Variants in HIVEP3 observed in about 807,000 individuals in gnomAD.
HIVEP3 encodes the protein HIVEP zinc finger 3.
A neutral mutation model predicts 152.8 loss-of-function variants in HIVEP3; 49 were observed. The ratio of observed to expected loss-of-function variants is 0.32; its 90% CI spans 0.26 to 0.41. The LOEUF is 0.41. Among genes scored for constraint, HIVEP3 ranks in the 10% least tolerant of loss-of-function variants. HIVEP3 has a pLI of 1.00. For missense variants in HIVEP3, 2,790 were observed against 3,103.3 expected (o/e 0.90, Z 2.40); for synonymous variants, 1,269 against 1,289.0 (o/e 0.98, Z 0.33).
At chr1:41,571,054 A>G (rs918119467) in intron 5 of HIVEP3, among the ~76,000 whole-genome samples, 2 of 152,032 alleles carry the variant, frequency 1.3e-5, no homozygotes, top group Admixed American at 6.5e-5. Context: ...GTGAGGTGGG[A>G]TGGGAGCCAA....
intron 1 of HIVEP3, among the ~76,000 whole-genome samples, chr1:41,860,262 A>C (rs1379675434): frequency 6.6e-6 from 1 of 152,106 alleles, no homozygotes; most frequent in Admixed American, 6.6e-5. Context: ...GAATTCCTTA[A>C]ATCTCCCCCT....
At position 41,600,347 on chromosome 1, in the gene HIVEP3, A is replaced by G. The variant is rs566680363; in HGVS notation, c.-521-15029T>C. On this transcript the variant is annotated intron_variant, in intron 3 of 8. Transcript: ENST00000372583. ...CCATTGATGAATGAATGGATAAAAA[A>G]TTCATTCATGTTGTAGCATGTGTCA... Among the ~76,000 whole-genome samples, 126 of 152,348 alleles carry G rather than the reference A, an allele frequency of 8.3e-4. 1 individual carries two copies. Among genetic ancestry groups the G allele is most frequent in the African/African-American group, 2.5e-3 (106 of 41,584 alleles).
At chr1:41,623,759 G>A (rs897911208) in intron 3 of HIVEP3, among the ~76,000 whole-genome samples, 4 of 152,170 alleles carry the variant, frequency 2.6e-5, no homozygotes, top group African/African-American at 9.7e-5. Flanking sequence ...TCACAAACAC[G>A]GCCCATGCTC....
intron 2 of HIVEP3, among the ~76,000 whole-genome samples, chr1:41,680,836 C>T (rs149434289): frequency 0.016 from 2,438 of 152,260 alleles, 195 homozygotes; most frequent in Admixed American, 0.14. Flanking sequence ...TAAAATAAAA[C>T]GGTATATGGC....
intron 1 of HIVEP3, among the ~76,000 whole-genome samples, chr1:41,807,690 G>A (rs551770230): frequency 7.2e-5 from 11 of 152,318 alleles, no homozygotes; most frequent in South Asian, 2.1e-4. Flanking sequence ...ATAGCACAGC[G>A]TGGAAAGGGC....
chr1:41,843,125 C>T (rs1014362265), intron 1 of HIVEP3, among the ~76,000 whole-genome samples: 18 of 152,312 alleles, frequency 1.2e-4, no homozygotes, highest in African/African-American at 2.9e-4. Flanking sequence ...CCTGAGGAAA[C>T]GCTAAAAGCA....
At chr1:41,923,120 A>T (rs1304505293), upstream of HIVEP3, among the ~76,000 whole-genome samples, 1 of 152,216 alleles carries the variant, frequency 6.6e-6, no homozygotes, top group Non-Finnish European at 1.5e-5. Context: ...TACAAAGTGG[A>T]TTGATGGAAG....
At chr1:41,827,923 G>A in intron 1 of HIVEP3, among the ~76,000 whole-genome samples, 1 of 152,052 alleles carries the variant, frequency 6.6e-6, no homozygotes, top group South Asian at 2.1e-4. Flanking sequence ...AGGGACAGGA[G>A]GCAGGGAAGG....
intron 2 of HIVEP3, among the ~76,000 whole-genome samples, chr1:41,639,348 C>T (rs936188722): frequency 1.3e-5 from 2 of 152,114 alleles, no homozygotes; most frequent in South Asian, 2.1e-4. Flanking sequence ...TATAGCATAG[C>T]GAGTTGGCCT....
chr1:42,014,929 GC>G (rs1313334809), intron 1 of HIVEP3, among the ~76,000 whole-genome samples: 1 of 152,162 alleles, frequency 6.6e-6, no homozygotes, highest in Admixed American at 6.5e-5. Flanking sequence ...TCATTCTGTG[GC>G]TTTCATCTTT....
Position 41,513,612 on chromosome 1 carries a change from C to G in HIVEP3, c.5609G>C (p.Ser1870Thr), listed in dbSNP as rs201484565. 6.9e-5 allele frequency: 112 copies of G among 1,613,904 alleles called. 1 individual carries two copies. In the East Asian group the frequency reaches 1.5e-3, roughly 21 times the overall value. The change falls in exon 8 of 9, where the codon AGC becomes ACC. Residue 1870 changes from serine (S) to threonine (T), a missense_variant. Around this residue, in one of 9 missense-constraint regions of HIVEP3, gnomAD observed 816 missense variants for 806.5 expected, o/e 1.01. Coordinates refer to ENST00000372583, the MANE Select transcript of HIVEP3 (RefSeq NM_024503.5). ...DEDEDEDEEE[S>T]QDELSRPSSE... ...GGATGGTCTGGACAGCTCATCCTGG[C>G]TCTCCTCCTCATCCTCATCCTCGTC...
chr1:41,592,427 G>C (rs1376391707), intron 3 of HIVEP3, among the ~76,000 whole-genome samples: 2 of 152,160 alleles, frequency 1.3e-5, no homozygotes, highest in Non-Finnish European at 2.9e-5. Context: ...AAAAATACTG[G>C]CCACATTTCC....
Position 41,581,360 on chromosome 1 carries a change from G to T in HIVEP3, c.3438C>A (p.Phe1146Leu), listed in dbSNP as rs963577565. ...KPYLPPPVSL[F>L]SFQHLVQHEP... is the part of the protein sequence containing the mutation. ...CATGCTGCACGAGATGCTGGAAGGA[G>T]AAAAGGGAGACTGGTGGGGGCAGGT... The change falls in exon 4 of 9, where the codon TTC (phenylalanine) becomes TTA (leucine). Residue 1146 changes from phenylalanine (F) to leucine (L), a missense_variant. By Grantham distance (22) the Phe-to-Leu change is conservative (BLOSUM62 0). Coordinates refer to ENST00000372583, the MANE Select transcript of HIVEP3 (RefSeq NM_024503.5). This position sits in a 1 kb window ranked among gnomAD's most constrained non-coding sequence, Gnocchi z 4.5. 3.1e-6 allele frequency: 5 copies of T among 1,613,504 alleles called. No individual in the cohort carries two copies. In the African/African-American group the frequency reaches 6.7e-5, roughly 22 times the overall value.
Position 41,745,140 on chromosome 1 carries a change from G to A in HIVEP3, c.-800-44145C>T, listed in dbSNP as rs533151595. On this transcript the variant is annotated intron_variant, in intron 1 of 8. Coordinates refer to ENST00000372583, the MANE Select transcript of HIVEP3 (RefSeq NM_024503.5). ...CTTTGGGCCCAAATGACTCAGAGAT[G>A]GTGACTTTCTCTAACCCTCTCAAAA... is the stretch of plus-strand genomic sequence containing the variant. Among the ~76,000 whole-genome samples, 4 of 152,318 alleles carry A rather than the reference G, an allele frequency of 2.6e-5. No homozygotes were observed. The East Asian group carries it at 7.7e-4, about 29-fold the overall frequency.
At chr1:41,657,201 G>A (rs186171678) in intron 2 of HIVEP3, among the ~76,000 whole-genome samples, 1 of 152,302 alleles carries the variant, frequency 6.6e-6, no homozygotes, top group Admixed American at 6.5e-5. Context: ...CCACAAGCCG[G>A]GTGTTTACAC....
intron 7 of HIVEP3, among the ~76,000 whole-genome samples, chr1:41,516,600 G>A (rs756311723): frequency 4.6e-5 from 7 of 152,152 alleles, no homozygotes; most frequent in Non-Finnish European, 2.9e-5. Context: ...CCGCGCCCAC[G>A]GCACAGGCCA....
chr1:41,557,844 T>C (rs1279267892), intron 5 of HIVEP3, among the ~76,000 whole-genome samples: 1 of 152,188 alleles, frequency 6.6e-6, no homozygotes, highest in Non-Finnish European at 1.5e-5. Context: ...GCTTTGCCAC[T>C]GGGGAGAGAT....
At chr1:41,752,827 T>A (rs2124227301) in intron 1 of HIVEP3, among the ~76,000 whole-genome samples, 1 of 152,298 alleles carries the variant, frequency 6.6e-6, no homozygotes, top group East Asian at 1.9e-4. Flanking sequence ...AAAGTAACAA[T>A]TCAGGAAAGT....
At chr1:41,552,140 T>A (rs1643900260) in intron 5 of HIVEP3, among the ~76,000 whole-genome samples, 1 of 152,250 alleles carries the variant, frequency 6.6e-6, no homozygotes. Flanking sequence ...TCGTTATTTA[T>A]GCAGTAGTCA....
Sources: gnomAD v4.1 joint callset for allele counts (sites outside exome capture counted in the v4.1 genomes callset) on GRCh38, gnomAD v4.1.1 for gene constraint, gnomAD v4.1.1 regional missense constraint, Gnocchi (gnomAD v3.1) non-coding constraint, MANE v1.5 for transcripts, NCBI Gene and HGNC (gene_info 2026-07-23, HGNC 2026-07-21) for gene names.